Variants in NCMAP observed in about 807,000 individuals in gnomAD.
NCMAP encodes non-compact myelin associated protein, also known as noncompact myelin-associated protein.
NCMAP carries 8 observed loss-of-function variants against 7.8 expected under a neutral mutation model. The observed-to-expected ratio is 1.02, with a 90% CI of 0.60 to 1.84. The LOEUF is 1.84. Ranked by LOEUF, NCMAP falls within the 40% of genes most tolerant of loss-of-function variation. The pLI, the probability that NCMAP is intolerant of heterozygous loss-of-function variation, is 0.00. For missense variants in NCMAP, 112 were observed against 131.4 expected (o/e 0.85, Z 0.72); for synonymous variants, 41 against 52.9 (o/e 0.78, Z 0.98).
At chr1:24,569,032 T>G (rs907503904) in intron 1 of NCMAP, among the ~76,000 whole-genome samples, 1 of 151,740 alleles carries the variant, frequency 6.6e-6, no homozygotes, top group African/African-American at 2.4e-5. Context: ...TTTTGTTTTT[T>G]TTTGGAGACT....
chr1:24,563,285 G>T (rs778984703), intron 1 of NCMAP, among the ~76,000 whole-genome samples: 10 of 151,070 alleles, frequency 6.6e-5, no homozygotes, highest in Non-Finnish European at 1.3e-4. Flanking sequence ...AATTTGGGAG[G>T]CCGAGGCAGG....
At chr1:24,594,418 G>A (rs1652150571) in intron 1 of NCMAP, among the ~76,000 whole-genome samples, 1 of 152,134 alleles carries the variant, frequency 6.6e-6, no homozygotes, top group African/African-American at 2.4e-5. Context: ...TGTATGACCG[G>A]TTGATTCACT....
intron 1 of NCMAP, among the ~76,000 whole-genome samples, chr1:24,574,358 ATCTG>A (rs1348470714): frequency 0.013 from 1,982 of 148,604 alleles, 100 homozygotes; most frequent in African/African-American, 0.05. Flanking sequence ...ACCTCAAGTT[ATCTG>A]CCCACCTCGG....
intron 1 of NCMAP, among the ~76,000 whole-genome samples, chr1:24,583,268 G>A (rs959053709): frequency 6.6e-6 from 1 of 152,142 alleles, no homozygotes; most frequent in Non-Finnish European, 1.5e-5. Flanking sequence ...TGCTGCGATG[G>A]TGCTGAATAT....
At chr1:24,597,667 G>GAAAGAAAGAAAGA (rs1553157455) in intron 2 of NCMAP, among the ~76,000 whole-genome samples, 8 of 132,742 alleles carry the variant, frequency 6.0e-5, no homozygotes, top group African/African-American at 1.6e-4. Context: ...AAGAAAGAAA[G>GAAAGAAAGAAAGA]AAAGAAAAGA....
chr1:24,591,476 C>T (rs887310798), intron 1 of NCMAP, among the ~76,000 whole-genome samples: 1 of 152,234 alleles, frequency 6.6e-6, no homozygotes, highest in African/African-American at 2.4e-5. Context: ...CCATGTTGGC[C>T]AGGGTGGCCT....
chr1:24,559,929 A>G lies in NCMAP; in HGVS notation c.-8+3760A>G, dbSNP rs904352099. ...GTAATCCCAGCACTTTGGGAGGCCG[A>G]GGCAGGTGGATCACGAAGTCAGGAG... On this transcript the variant is annotated intron_variant, in intron 1 of 3. Transcript: ENST00000374392. Among the ~76,000 whole-genome samples the G allele has an allele frequency of 3.9e-5, 6 of 152,170 alleles. No homozygotes were observed. In the East Asian group the frequency reaches 1.2e-3, roughly 29 times the overall value.
intron 1 of NCMAP, among the ~76,000 whole-genome samples, chr1:24,561,632 CG>C (rs1168809667): frequency 1.3e-5 from 2 of 151,954 alleles, no homozygotes; most frequent in Non-Finnish European, 2.9e-5. Context: ...AGGGAGGGGC[CG>C]GGCGCGGTGG....
intron 1 of NCMAP, among the ~76,000 whole-genome samples, chr1:24,573,952 C>CAAAAAAAAAGAAAAAAAAA (rs1651466781): frequency 1.2e-5 from 1 of 84,454 alleles, no homozygotes; most frequent in Non-Finnish European, 2.2e-5. Flanking sequence ...CCAGAGAGGA[C>CAAAAAAAAAGAAAAAAAAA]AAAAAAAAAA....
intron 1 of NCMAP, among the ~76,000 whole-genome samples, chr1:24,578,472 T>A: frequency 3.6e-5 from 1 of 27,834 alleles, no homozygotes. Context: ...GGGAGTGGGG[T>A]GGGAGGGAGG....
chr1:24,588,983 C>T (rs962547882), intron 1 of NCMAP, among the ~76,000 whole-genome samples: 5 of 152,252 alleles, frequency 3.3e-5, no homozygotes, highest in Admixed American at 1.3e-4. Flanking sequence ...GCTGTGAAAT[C>T]GGATAGACCC....
intron 3 of NCMAP, among the ~76,000 whole-genome samples, chr1:24,604,798 G>A (rs1456988490): frequency 6.7e-6 from 1 of 149,872 alleles, no homozygotes; most frequent in East Asian, 2.0e-4. Context: ...GGCCAACATG[G>A]TGAAACCCCA....
At chr1:24,595,794 CTT>C (rs34640170) in intron 2 of NCMAP, among the ~76,000 whole-genome samples, 23 of 119,492 alleles carry the variant, frequency 1.9e-4, no homozygotes, top group African/African-American at 6.7e-4. Context: ...TGGACTGTGT[CTT>C]TTTTTTTTTT....
At chr1:24,603,855 G>A (rs1241285597) in intron 3 of NCMAP, among the ~76,000 whole-genome samples, 1 of 152,206 alleles carries the variant, frequency 6.6e-6, no homozygotes, top group Non-Finnish European at 1.5e-5. Flanking sequence ...GTTCTGTGAA[G>A]GGCTGTCTTA....
chr1:24,585,264 G>A (rs116669976), intron 1 of NCMAP, among the ~76,000 whole-genome samples: 3 of 152,196 alleles, frequency 2.0e-5, no homozygotes, highest in Non-Finnish European at 2.9e-5. Flanking sequence ...GGATTCAGGC[G>A]GCTCGGGTGA....
chr1:24,595,407 T>C lies in NCMAP; in HGVS notation c.-7-17T>C. The C allele has an allele frequency of 6.4e-7, 1 of 1,567,906 alleles. No individual in the cohort carries two copies. Among genetic ancestry groups the C allele is most frequent in the Non-Finnish European group, 8.8e-7 (1 of 1,140,810 alleles). On this transcript the variant is annotated splice_polypyrimidine_tract_variant and intron_variant, in intron 1 of 3. Transcript: ENST00000374392. Reference sequence around the variant, plus strand: ...TTTATCTAATTTTAAACAAAATATCTTCTTCTTTCTCATCAGGATCGAGAT... The same window carrying C: ...TTTATCTAATTTTAAACAAAATATCCTCTTCTTTCTCATCAGGATCGAGAT...
chr1:24,595,541 G>A (rs1157718937), intron 2 of NCMAP, 29 bp downstream of exon 2: 4 of 1,549,634 alleles, frequency 2.6e-6, no homozygotes, highest in Non-Finnish European at 3.6e-6. Flanking sequence ...AGAGGCTGGG[G>A]GAAGGATGGC....
At chr1:24,560,288 G>C (rs145838965) in intron 1 of NCMAP, among the ~76,000 whole-genome samples, 3 of 152,096 alleles carry the variant, frequency 2.0e-5, no homozygotes, top group African/African-American at 7.2e-5. Flanking sequence ...ACTCGTCATT[G>C]GTTCATTCAT....
chr1:24,587,635 TCCCA>T (rs1651929821), intron 1 of NCMAP, among the ~76,000 whole-genome samples: 1 of 152,060 alleles, frequency 6.6e-6, no homozygotes, highest in Non-Finnish European at 1.5e-5. Flanking sequence ...AGCCTCAGCC[TCCCA>T]AGTAGCTAAG....
Sources: allele counts gnomAD v4.1 joint callset (sites outside exome capture counted in the v4.1 genomes callset), GRCh38; gene constraint gnomAD v4.1.1; transcripts MANE v1.5; gene names NCBI Gene and HGNC (gene_info 2026-07-23, HGNC 2026-07-21).